SLC2A6: variants seen among roughly 807,000 people sequenced by gnomAD.
The protein encoded by SLC2A6 is solute carrier family 2, facilitated glucose transporter member 6.
In SLC2A6, 39 loss-of-function variants were observed where a neutral mutation model predicts 47.8. The ratio of observed to expected loss-of-function variants is 0.82; its 90% CI spans 0.63 to 1.07. The LOEUF is 1.07. Among genes scored for constraint, SLC2A6 ranks in the 50% least tolerant of loss-of-function variants. The pLI is 0.00. For synonymous variants in SLC2A6, 346 were observed against 324.1 expected (o/e 1.07, Z -0.73); for missense variants, 650 against 707.6 (o/e 0.92, Z 0.92).
intron 4 of SLC2A6, 179 bp downstream of exon 4, chr9:133,476,058 C>G: frequency 1.8e-6 from 1 of 569,370 alleles, no homozygotes; most frequent in Non-Finnish European, 3.1e-6. Flanking sequence ...GCTAGAGGGG[C>G]AGGCCCTGCC....
In SLC2A6 at chr9:133,476,992, T is replaced by TA. The variant is rs1312687439; in HGVS notation, c.462+42dup. The TA allele has an allele frequency of 2.0e-6, 3 of 1,537,322 alleles. No individual in the cohort carries two copies. In the African/African-American group the frequency reaches 4.1e-5, roughly 21 times the overall value. On this transcript the variant is annotated intron_variant, in intron 3 of 9. Transcript: ENST00000371899. ...TAGTCAGATGGAGGCTCAGCACCAA[T>TA]ACAGAGGCATTGGGGCGCCTGGGTG...
rs781976805 is a variant in SLC2A6, at chr9:133,473,929, C to T, written c.1036+51G>A. ...GGCAGGCCTGCACACCCAGCCCAGC[C>T]CTGACCCATGCGGAGGAGTGGGGCA... On this transcript the variant is annotated intron_variant, in intron 7 of 9. Transcript: ENST00000371899. 2.8e-6 allele frequency: 4 copies of T among 1,440,334 alleles called. No individual in the cohort carries two copies. In the South Asian group the frequency reaches 5.1e-5, roughly 18 times the overall value. The allele number at this position is 1,440,334 out of a possible 1,614,324, so 89.2% of individuals were successfully genotyped here.
chr9:133,476,762 G>A (rs1307471772), intron 3 of SLC2A6, among the ~76,000 whole-genome samples: 4 of 152,234 alleles, frequency 2.6e-5, no homozygotes, highest in African/African-American at 7.2e-5. Context: ...TGCTCAATGC[G>A]GATTTTCTCC....
chr9:133,472,755 C>T (rs1016570130), intron 9 of SLC2A6, among the ~76,000 whole-genome samples: 2 of 152,146 alleles, frequency 1.3e-5, no homozygotes, highest in Admixed American at 6.6e-5. Flanking sequence ...GGGAGTGTGG[C>T]TGCTGCTGAG....
intron 6 of SLC2A6, among the ~76,000 whole-genome samples, chr9:133,474,479 A>G (rs991882312): frequency 6.6e-6 from 1 of 152,238 alleles, no homozygotes; most frequent in Non-Finnish European, 1.5e-5. Context: ...ATTAAGTGGC[A>G]GATGCCACAG....
At position 133,474,162 on chromosome 9, in the gene SLC2A6, C is replaced by T. The variant is rs1292950952; in HGVS notation, c.928-74G>A. The T allele has an allele frequency of 6.3e-6, 8 of 1,279,536 alleles. No homozygotes were observed. In the East Asian group the frequency reaches 7.5e-5, roughly 12 times the overall value. The allele number at this position is 1,279,536 out of a possible 1,614,324, so 79.3% of individuals were successfully genotyped here. On this transcript the variant is annotated intron_variant, in intron 6 of 9. Transcript: ENST00000371899. Reference sequence around the variant, plus strand: ...TCCCCCTCCAGGACCCAGCTTGTCCCGGCAGGCATTGCAGGGGCTCAGGCC... The same window carrying T: ...TCCCCCTCCAGGACCCAGCTTGTCCTGGCAGGCATTGCAGGGGCTCAGGCC...
Position 133,478,368 on chromosome 9 carries a change from G to A in SLC2A6, c.141C>T (p.Leu47=), listed in dbSNP as rs782662467. The change falls in exon 2 of 10, where the codon CTC becomes CTT. Residue 47 remains leucine (L), a synonymous_variant. Coordinates refer to ENST00000371899, the MANE Select transcript of SLC2A6 (RefSeq NM_017585.4). ...RVFLATFAAV[L]GNFSFGYALV... ...GGGCATACCCAAAGCTGAAATTGCC[G>A]AGCACTGCGGCGAAGGTGGCCAGGA... 3.1e-6 allele frequency: 5 copies of A among 1,614,136 alleles called. No individual in the cohort carries two copies. Among genetic ancestry groups the A allele is most frequent in the East Asian group, 2.2e-5 (1 of 44,888 alleles).
At position 133,473,137 on chromosome 9, in the gene SLC2A6, AGGCGGTGAGCCAGCT is replaced by A. The variant is rs1180866437; in HGVS notation, c.1321_1335del (p.Ser441_Ala445del). On this transcript the variant is annotated inframe_deletion, in exon 9 of 10. Transcript: ENST00000371899. ...GGCAGGAAGGACTTGGTGAGGACGA[AGGCGGTGAGCCAGCT>A]GGCCAGCACGCAGAGCCCTGAGGCC... 8.7e-6 allele frequency: 14 copies of A among 1,611,370 alleles called. No individual in the cohort carries two copies. Among genetic ancestry groups the A allele is most frequent in the Non-Finnish European group, 1.1e-5 (13 of 1,179,520 alleles).
intron 2 of SLC2A6, 85 bp from the exon 3 acceptor site, chr9:133,477,326 A>G: frequency 5.2e-6 from 7 of 1,346,176 alleles, no homozygotes; most frequent in Non-Finnish European, 7.1e-6. Context: ...CTTCTTCCCT[A>G]GGCCGACCCC....
intron 5 of SLC2A6, 47 bp from the exon 6 acceptor site, chr9:133,475,160 C>T: frequency 6.7e-7 from 1 of 1,483,510 alleles, no homozygotes; most frequent in Non-Finnish European, 8.9e-7. Context: ...GCCTCTCCAG[C>T]AGGCGCCATC....
rs781800233 is a variant in SLC2A6, at chr9:133,478,442, C to G, written c.93-26G>C. On this transcript the variant is annotated intron_variant, in intron 1 of 9. Transcript: ENST00000371899. Reference sequence around the variant, plus strand: ...CTGGTGATGGTGGCGGACAAAAAGACCAGGGTCTCTGAGTCCCTCCTCCAG... The same window carrying G: ...CTGGTGATGGTGGCGGACAAAAAGAGCAGGGTCTCTGAGTCCCTCCTCCAG... The G allele has an allele frequency of 1.2e-5, 19 of 1,613,252 alleles. No individual in the cohort carries two copies. The South Asian group carries it at 2.0e-4, about 17-fold the overall frequency.
intron 4 of SLC2A6, 63 bp from the exon 5 acceptor site, chr9:133,475,674 C>A: frequency 1.4e-6 from 2 of 1,414,146 alleles, no homozygotes; most frequent in Non-Finnish European, 9.6e-7. Flanking sequence ...CCCTCTGGAG[C>A]CTCTGAATAA....
In SLC2A6 at chr9:133,471,969, C is replaced by A; in HGVS notation, c.*52G>T. 2 of 1,585,388 alleles carry A rather than the reference C, an allele frequency of 1.3e-6. No individual in the cohort carries two copies. Among genetic ancestry groups the A allele is most frequent in the Non-Finnish European group, 1.7e-6 (2 of 1,162,540 alleles). On this transcript the variant is annotated 3_prime_UTR_variant, in exon 10 of 10. Transcript: ENST00000371899. ...TCCCAGGGTGCAGGTTTGTAGCCAACACAGAGGCCCAGCCACTGGGGGTTT... is the reference window on the plus strand; with the variant it reads ...TCCCAGGGTGCAGGTTTGTAGCCAAAACAGAGGCCCAGCCACTGGGGGTTT...
In SLC2A6 at chr9:133,476,288, C is replaced by G; in HGVS notation, c.511G>C (p.Ala171Pro). The change falls in exon 4 of 10, where the codon GCC becomes CCC. Residue 171 changes from alanine to proline, a missense_variant. Physicochemically the swap from Ala to Pro is conservative, Grantham distance 27 (BLOSUM62 -1). Transcript: ENST00000371899. Reference protein sequence around the residue: ...APPGVRGALGATPQLMAVFGS... With the variant: ...APPGVRGALGPTPQLMAVFGS... Reference sequence around the variant, plus strand: ...AACACTGCCATGAGCTGGGGTGTGGCCCCCAGAGCCCCACGAACGCCTGGG... The same window carrying G: ...AACACTGCCATGAGCTGGGGTGTGGGCCCCAGAGCCCCACGAACGCCTGGG... 1 of 1,612,818 alleles carries G rather than the reference C, an allele frequency of 6.2e-7. No individual in the cohort carries two copies. Among genetic ancestry groups the G allele is most frequent in the African/African-American group, 1.3e-5 (1 of 75,056 alleles).
chr9:133,475,464 AGCCAG>A lies in SLC2A6; in HGVS notation c.705_709del (p.Trp236AlafsTer29). ...GTGGACATCGACGTCCGTCCCACGC[AGCCAG>A]GCCAGCGCCCGCAGGGCCTCTTCGT... On this transcript the variant is annotated frameshift_variant, in exon 5 of 10. Transcript: ENST00000371899. LOFTEE classifies it high-confidence loss of function. 2.5e-6 allele frequency: 4 copies of A among 1,611,922 alleles called. No individual in the cohort carries two copies. Among genetic ancestry groups the A allele is most frequent in the Non-Finnish European group, 3.4e-6 (4 of 1,179,834 alleles).
At chr9:133,476,145 T>G (rs1377432856) in intron 4 of SLC2A6, 92 bp downstream of exon 4, 7 of 1,027,298 alleles carry the variant, frequency 6.8e-6, no homozygotes, top group Non-Finnish European at 7.3e-6. Flanking sequence ...GGATCTGTTC[T>G]GGGACAAATC....
intron 1 of SLC2A6, chr9:133,478,629 C>CTGGG (rs1322173418): frequency 3.3e-6 from 2 of 613,612 alleles, no homozygotes; most frequent in African/African-American, 3.7e-5. Context: ...GCCTCTGGTG[C>CTGGG]TGGGGCCTTT....
chr9:133,475,546 G>A lies in SLC2A6; in HGVS notation c.628C>T (p.Leu210=), dbSNP rs1004518268. The A allele has an allele frequency of 5.6e-6, 9 of 1,610,068 alleles. No homozygotes were observed. The highest frequency in any genetic ancestry group is 1.3e-5 in the African/African-American group (1 of 74,886). ...GEAPVLIMIL[L]LSFMPNSPRF... is the part of the protein sequence containing the mutation. ...GGCGAGTTGGGCATGAAGCTGAGCA[G>A]CAGGATCATGATGAGCACAGGCGCC... The change falls in exon 5 of 10, where the codon CTG becomes TTG. Residue 210 remains leucine, a synonymous_variant. Transcript: ENST00000371899.
chr9:133,473,312 T>G (rs587677690), intron 8 of SLC2A6, 62 bp from the exon 9 acceptor site: 179 of 1,543,108 alleles, frequency 1.2e-4, no homozygotes, highest in South Asian at 1.2e-3. Context: ...TGTGTCTGTC[T>G]CCGCTGAGCT....
Sources: allele counts gnomAD v4.1 joint callset (sites outside exome capture counted in the v4.1 genomes callset), GRCh38; gene constraint gnomAD v4.1.1; transcripts MANE v1.5; gene names NCBI Gene and HGNC (gene_info 2026-07-23, HGNC 2026-07-21).